Variants in DPP10 observed in about 807,000 individuals in gnomAD.
DPP10 encodes inactive dipeptidyl peptidase 10.
DPP10 carries 33 observed loss-of-function variants against 120.9 expected under a neutral mutation model. The observed-to-expected ratio is 0.27, with a 90% CI of 0.21 to 0.37. The LOEUF (loss-of-function observed/expected upper bound fraction) is 0.37, where lower values mean the gene tolerates loss of function less well. Ranked by LOEUF, DPP10 falls within the 10% of genes least tolerant of loss-of-function variation. The pLI is 1.00. For missense variants in DPP10, 816 were observed against 942.8 expected, an observed-to-expected ratio of 0.87 and a Z score of 1.76; for synonymous variants, 337 against 326.1, an observed-to-expected ratio of 1.03 and a Z score of -0.36.
intron 3 of DPP10, among the ~76,000 whole-genome samples, chr2:115,359,372 CT>C (rs1366125216): frequency 1.3e-5 from 2 of 152,074 alleles, no homozygotes; most frequent in African/African-American, 4.8e-5. Flanking sequence ...GATTTTATTT[CT>C]CCTTTGCTTA....
chr2:115,041,185 A>G (rs1704617803), intron 1 of DPP10, among the ~76,000 whole-genome samples: 1 of 151,886 alleles, frequency 6.6e-6, no homozygotes, highest in Non-Finnish European at 1.5e-5. Context: ...ATCCTGCAGA[A>G]CCATGAGCCA....
At chr2:115,349,470 A>G (rs1322932148) in intron 3 of DPP10, among the ~76,000 whole-genome samples, 1 of 152,120 alleles carries the variant, frequency 6.6e-6, no homozygotes, top group Non-Finnish European at 1.5e-5. Flanking sequence ...AAAGAAAAGA[A>G]AAAAACTATA....
At chr2:114,995,795 A>C (rs35623819) in intron 1 of DPP10, among the ~76,000 whole-genome samples, 3,546 of 152,338 alleles carry the variant, frequency 0.023, 54 homozygotes, top group Non-Finnish European at 0.038. Flanking sequence ...GTGCAAGTTC[A>C]ACATAAACTG....
chr2:114,617,965 C>T (rs1693800767), intron 1 of DPP10, among the ~76,000 whole-genome samples: 1 of 152,032 alleles, frequency 6.6e-6, no homozygotes, highest in Non-Finnish European at 1.5e-5. Context: ...AGATCACCCA[C>T]CACCACTGCT....
At chr2:115,021,360 A>T (rs1488884427) in intron 1 of DPP10, among the ~76,000 whole-genome samples, 1 of 152,164 alleles carries the variant, frequency 6.6e-6, no homozygotes, top group Non-Finnish European at 1.5e-5. Flanking sequence ...ACAGAAATAC[A>T]AAAGATTATT....
At chr2:114,856,066 A>G (rs1689343216) in intron 1 of DPP10, among the ~76,000 whole-genome samples, 1 of 152,208 alleles carries the variant, frequency 6.6e-6, no homozygotes, top group African/African-American at 2.4e-5. Context: ...TATAACAAAA[A>G]AAGAAGAAAA....
chr2:115,141,972 C>T (rs1430398849), intron 1 of DPP10, among the ~76,000 whole-genome samples: 1 of 152,078 alleles, frequency 6.6e-6, no homozygotes, highest in Non-Finnish European at 1.5e-5. Context: ...CAGGCTTTCG[C>T]CAGGTAGGCC....
intron 15 of DPP10, among the ~76,000 whole-genome samples, chr2:115,778,635 C>G (rs1682402031): frequency 6.6e-6 from 1 of 152,042 alleles, no homozygotes; most frequent in African/African-American, 2.4e-5. Flanking sequence ...AGGGGAAATT[C>G]ATCATGTTTT....
chr2:115,418,933 C>T (rs1393997002), intron 3 of DPP10, among the ~76,000 whole-genome samples: 2 of 152,150 alleles, frequency 1.3e-5, no homozygotes, highest in Non-Finnish European at 2.9e-5. Context: ...GGGCAATATT[C>T]ACTCCTCTTC....
At chr2:115,012,526 C>T (rs991955357) in intron 1 of DPP10, among the ~76,000 whole-genome samples, 1 of 152,148 alleles carries the variant, frequency 6.6e-6, no homozygotes, top group Non-Finnish European at 1.5e-5. Flanking sequence ...GCAGACATGC[C>T]CCAGTACCAG....
chr2:114,650,875 G>T (rs1189444841), intron 1 of DPP10, among the ~76,000 whole-genome samples: 2 of 151,978 alleles, frequency 1.3e-5, no homozygotes, highest in Non-Finnish European at 2.9e-5. Context: ...TCAGGGCCTT[G>T]GTACATACTC....
intron 1 of DPP10, among the ~76,000 whole-genome samples, chr2:115,213,101 A>C (rs1413123159): frequency 6.6e-6 from 1 of 152,194 alleles, no homozygotes; most frequent in African/African-American, 2.4e-5. Flanking sequence ...AAAGGATTAT[A>C]AACTGTGATA....
intron 1 of DPP10, among the ~76,000 whole-genome samples, chr2:115,118,001 G>A (rs1304688853): frequency 6.6e-6 from 1 of 152,102 alleles, no homozygotes; most frequent in Non-Finnish European, 1.5e-5. Context: ...AGCTTTTCGG[G>A]GATGATATTT....
intron 24 of DPP10, among the ~76,000 whole-genome samples, chr2:115,840,435 C>T (rs1354569741): frequency 1.3e-5 from 2 of 148,280 alleles, no homozygotes; most frequent in African/African-American, 5.0e-5. Flanking sequence ...CGCCATTCTC[C>T]TGCCTCAGCC....
rs79594343 is a variant in DPP10, at chr2:115,532,833, C to T, written c.441+6861C>T. On this transcript the variant is annotated intron_variant, in intron 5 of 25. Transcript: ENST00000410059. The stretch of plus-strand genomic sequence containing the variant: ...ATATCAGACTAAATTATTTTTTCAG[C>T]ATTCTGAGTCATGTATATAAATAGT... Among the ~76,000 whole-genome samples the T allele has an allele frequency of 2.0e-5, 3 of 151,726 alleles. No homozygotes were observed. The East Asian group carries it at 5.8e-4, about 29-fold the overall frequency.
chr2:115,354,654 G>A (rs925820851), intron 3 of DPP10, among the ~76,000 whole-genome samples: 1 of 151,486 alleles, frequency 6.6e-6, no homozygotes, highest in Admixed American at 6.6e-5. Flanking sequence ...CATGTGCCAT[G>A]GTGGTTTACC....
chr2:114,442,894 A>C, intron 1 of DPP10, 56 bp downstream of exon 1: 1 of 1,598,946 alleles, frequency 6.3e-7, no homozygotes, highest in South Asian at 1.1e-5. Context: ...CATCTACCTA[A>C]CACATGGGCA....
chr2:115,803,357 C>G (rs182136560), intron 19 of DPP10, among the ~76,000 whole-genome samples: 2 of 152,146 alleles, frequency 1.3e-5, no homozygotes, highest in Non-Finnish European at 2.9e-5. Flanking sequence ...CTGAATACAG[C>G]ACACTGATGG....
chr2:115,115,160 G>A (rs1435179786), intron 1 of DPP10, among the ~76,000 whole-genome samples: 3 of 152,040 alleles, frequency 2.0e-5, no homozygotes, highest in Non-Finnish European at 4.4e-5. Context: ...ATAGAAAACG[G>A]TTGTTTCTTC....
Sources: allele counts gnomAD v4.1 joint callset (sites outside exome capture counted in the v4.1 genomes callset), GRCh38; gene constraint gnomAD v4.1.1; transcripts MANE v1.5; gene names NCBI Gene and HGNC (gene_info 2026-07-23, HGNC 2026-07-21).